SMC1B: variants seen among roughly 807,000 people sequenced by gnomAD.
SMC1B encodes structural maintenance of chromosomes 1B, also known as structural maintenance of chromosomes protein 1B.
SMC1B carries 60 observed loss-of-function variants against 157.9 expected under a neutral mutation model. The observed-to-expected ratio is 0.38, with a 90% CI of 0.31 to 0.47. The LOEUF is 0.47. Among genes scored for constraint, SMC1B ranks in the 20% least tolerant of loss-of-function variants. The pLI, the probability that SMC1B is intolerant of heterozygous loss-of-function variation, is 0.99. For missense variants in SMC1B, 1,165 were observed against 1,426.2 expected (o/e 0.82, Z 2.95); for synonymous variants, 445 against 483.0 (o/e 0.92, Z 1.03).
chr22:45,352,049 G>T (rs1046196612), intron 22 of SMC1B, among the ~76,000 whole-genome samples: 2 of 152,066 alleles, frequency 1.3e-5, no homozygotes, highest in Non-Finnish European at 2.9e-5. Context: ...TTTCTAAAAT[G>T]GAATAGTAGT....
intron 6 of SMC1B, 46 bp downstream of exon 6, chr22:45,399,043 AGCAGCT>A: frequency 6.5e-7 from 1 of 1,545,900 alleles, no homozygotes. Context: ...TCTAATTCAA[AGCAGCT>A]GAAATAATAG....
chr22:45,395,974 A>C (rs945343283), intron 7 of SMC1B, among the ~76,000 whole-genome samples: 1 of 152,244 alleles, frequency 6.6e-6, no homozygotes, highest in Non-Finnish European at 1.5e-5. Context: ...CTAGATTTTA[A>C]CATGTAAAGA....
intron 10 of SMC1B, among the ~76,000 whole-genome samples, chr22:45,389,295 CA>C (rs886710382): frequency 3.9e-5 from 6 of 152,184 alleles, no homozygotes; most frequent in African/African-American, 1.4e-4. Flanking sequence ...CCTCAAGGCT[CA>C]AAATTTAGCC....
chr22:45,357,872 T>C (rs2086684455), intron 19 of SMC1B, among the ~76,000 whole-genome samples: 1 of 152,164 alleles, frequency 6.6e-6, no homozygotes, highest in Non-Finnish European at 1.5e-5. Context: ...CCCCCGTCAA[T>C]CATACCTAAT....
intron 10 of SMC1B, among the ~76,000 whole-genome samples, chr22:45,389,348 T>A (rs1430574969): frequency 1.3e-5 from 2 of 152,214 alleles, no homozygotes; most frequent in African/African-American, 4.8e-5. Context: ...ACATTTACAA[T>A]TGAGGCTGAG....
At chr22:45,405,402 A>G (rs1213626879) in intron 4 of SMC1B, among the ~76,000 whole-genome samples, 1 of 152,062 alleles carries the variant, frequency 6.6e-6, no homozygotes, top group Non-Finnish European at 1.5e-5. Context: ...CAAAAAAAAA[A>G]TTAGCCAGGA....
At position 45,344,566 on chromosome 22, in the gene SMC1B, T is replaced by C. The variant is rs1348716578; in HGVS notation, c.3698A>G (p.Glu1233Gly). The change falls in exon 25 of 25, where the codon GAG becomes GGG. Residue 1233 changes from glutamate (E) to glycine (G), a missense_variant. Transcript: ENST00000357450. The stretch of plus-strand genomic sequence containing the variant: ...GCTGCAGGACTGCCCCTAGCGGGAC[T>C]CTCCGTGTCTCTTGCTGCTTTCTTG... ...EGQESSKRHGESR is the reference protein window; with the variant it reads ...EGQESSKRHGGSR 3.1e-6 allele frequency: 5 copies of C among 1,613,036 alleles called. No individual in the cohort carries two copies. The highest frequency in any genetic ancestry group is 4.2e-6 in the Non-Finnish European group (5 of 1,178,978).
chr22:45,363,778 C>G (rs554063347), intron 15 of SMC1B, among the ~76,000 whole-genome samples: 11 of 152,104 alleles, frequency 7.2e-5, no homozygotes, highest in Admixed American at 6.5e-4. Context: ...TTTCTTAAAT[C>G]TTTTATAATC....
rs772770136 is a variant in SMC1B at position 45,358,737 on chromosome 22, G to A, written c.2921C>T (p.Ala974Val). ...ATIDIYEKEE[A>V]FEIDYSSLKE... is the part of the protein sequence containing the mutation. ...TAGAGAGCTGTAGTCTATTTCAAAG[G>A]CTTCTTCTTTTTCATAGATATCAAT... The change falls in exon 19 of 25, where the codon GCC becomes GTC. Residue 974 changes from alanine to valine, a missense_variant. By Grantham distance (64) the Ala-to-Val change is moderately conservative (BLOSUM62 0). Coordinates refer to ENST00000357450, the MANE Select transcript of SMC1B (RefSeq NM_148674.5). 9 of 1,612,750 alleles carry A rather than the reference G, an allele frequency of 5.6e-6. No individual in the cohort carries two copies. Among genetic ancestry groups the A allele is most frequent in the Non-Finnish European group, 7.6e-6 (9 of 1,179,474 alleles).
chr22:45,403,671 C>G (rs2087223217), intron 4 of SMC1B, among the ~76,000 whole-genome samples: 1 of 152,106 alleles, frequency 6.6e-6, no homozygotes, highest in Admixed American at 6.6e-5. Context: ...GTTGCCCAGG[C>G]TAGTCTCGAA....
At chr22:45,403,618 A>G (rs1292656599) in intron 4 of SMC1B, among the ~76,000 whole-genome samples, 2 of 151,596 alleles carry the variant, frequency 1.3e-5, no homozygotes, top group Non-Finnish European at 2.9e-5. Flanking sequence ...CACACCAGGC[A>G]AAGTTTTTTA....
At position 45,406,508 on chromosome 22, in the gene SMC1B, T is replaced by A. The variant is rs2087261995; in HGVS notation, c.567A>T (p.Lys189Asn). Residue 189 changes from lysine (K) to asparagine (N), a missense_variant, in exon 4 of 25, where the codon AAA becomes AAT. Coordinates refer to ENST00000357450, the MANE Select transcript of SMC1B (RefSeq NM_148674.5). ...GTCTGCGCTCTGCCGCTATATTTTTTTTCTTATTAAAGTTAAACTGTGCAT... is the reference window on the plus strand; with the variant it reads ...GTCTGCGCTCTGCCGCTATATTTTTATTCTTATTAAAGTTAAACTGTGCAT... ...EEDAQFNFNK[K>N]KNIAAERRQA... The A allele has an allele frequency of 6.2e-7, 1 of 1,612,268 alleles. No individual in the cohort carries two copies. Among genetic ancestry groups the A allele is most frequent in the Non-Finnish European group, 8.5e-7 (1 of 1,179,826 alleles).
chr22:45,352,352 G>T, intron 22 of SMC1B, 99 bp downstream of exon 22: 2 of 1,106,392 alleles, frequency 1.8e-6, no homozygotes, highest in Non-Finnish European at 1.2e-6. Context: ...TATCTCATTT[G>T]CTAAATATTA....
At chr22:45,344,759 T>G (rs996407635) in intron 24 of SMC1B, 102 bp from the exon 25 acceptor site, 6 of 713,164 alleles carry the variant, frequency 8.4e-6, no homozygotes, top group Non-Finnish European at 1.5e-5. Context: ...AAAAGGAATC[T>G]TCTTCAACCT....
intron 4 of SMC1B, 120 bp downstream of exon 4, chr22:45,406,340 C>T: frequency 2.6e-6 from 2 of 761,040 alleles, no homozygotes; most frequent in Non-Finnish European, 4.1e-6. Context: ...GAATATTGGG[C>T]TTTAATTGTC....
intron 21 of SMC1B, among the ~76,000 whole-genome samples, chr22:45,353,037 G>A (rs1327394435): frequency 6.6e-6 from 1 of 152,110 alleles, no homozygotes; most frequent in Admixed American, 6.5e-5. Flanking sequence ...TTGGGAGGCC[G>A]AGGCAGGCAG....
chr22:45,358,372 TG>T (rs2086689300), intron 19 of SMC1B, among the ~76,000 whole-genome samples: 1 of 152,188 alleles, frequency 6.6e-6, no homozygotes, highest in African/African-American at 2.4e-5. Flanking sequence ...GATTGGTATC[TG>T]AAGAGTGGCC....
At chr22:45,368,147 TTCATA>T (rs2086793323) in intron 15 of SMC1B, among the ~76,000 whole-genome samples, 1 of 152,216 alleles carries the variant, frequency 6.6e-6, no homozygotes, top group Admixed American at 6.5e-5. Flanking sequence ...GATGTATTTT[TTCATA>T]TCATAGGTAT....
At chr22:45,370,586 A>G (rs1303370840) in intron 14 of SMC1B, among the ~76,000 whole-genome samples, 1 of 152,236 alleles carries the variant, frequency 6.6e-6, no homozygotes, top group East Asian at 1.9e-4. Flanking sequence ...TAAGAACAGG[A>G]CATTTTTAAA....
Sources: allele counts gnomAD v4.1 joint callset (sites outside exome capture counted in the v4.1 genomes callset), GRCh38; gene constraint gnomAD v4.1.1; transcripts MANE v1.5; gene names NCBI Gene and HGNC (gene_info 2026-07-23, HGNC 2026-07-21).